Variants in CCBE1 observed in about 807,000 individuals in gnomAD.
The protein encoded by CCBE1 is collagen and calcium binding EGF domains 1, also known as collagen and calcium-binding EGF domain-containing protein 1.
CCBE1 carries 37 observed loss-of-function variants against 50.0 expected under a neutral mutation model. The ratio of observed to expected loss-of-function variants is 0.74; its 90% CI spans 0.57 to 0.97. CCBE1 has a LOEUF of 0.97. Ranked by LOEUF, CCBE1 falls within the 50% of genes least tolerant of loss-of-function variation. The pLI is 0.00. For synonymous variants in CCBE1, 234 were observed against 203.7 expected, an observed-to-expected ratio of 1.15 and a Z score of -1.27; for missense variants, 538 against 523.8, an observed-to-expected ratio of 1.03 and a Z score of -0.26.
At chr18:59,466,916 T>A in intron 4 of CCBE1, 25 bp from the exon 5 acceptor site, 1 of 1,603,232 alleles carries the variant, frequency 6.2e-7, no homozygotes, top group South Asian at 1.1e-5. Context: ...ATGTAGAGAA[T>A]ACTAAGTTTC....
intron 2 of CCBE1, among the ~76,000 whole-genome samples, chr18:59,668,157 T>G (rs2054380296): frequency 6.6e-6 from 1 of 152,118 alleles, no homozygotes; most frequent in African/African-American, 2.4e-5. Context: ...TGGTGGCTCA[T>G]GTCTGTAATC....
chr18:59,664,275 T>A lies in CCBE1; in HGVS notation c.212+32354A>T, dbSNP rs145588320. 5.3e-5 allele frequency among the ~76,000 whole-genome samples: 8 copies of A among 152,198 alleles called. No individual in the cohort carries two copies. In the East Asian group the frequency reaches 1.2e-3, roughly 22 times the overall value. Reference sequence around the variant, plus strand: ...CACCTAATCCCATCACCTTAGAGGTTAGGTTTCAACATGTAAGTTTTGGGG... The same window carrying A: ...CACCTAATCCCATCACCTTAGAGGTAAGGTTTCAACATGTAAGTTTTGGGG... On this transcript the variant is annotated intron_variant, in intron 2 of 10. Coordinates refer to ENST00000439986, the MANE Select transcript of CCBE1 (RefSeq NM_133459.4).
At chr18:59,459,820 T>C (rs1313486554) in intron 5 of CCBE1, among the ~76,000 whole-genome samples, 1 of 152,116 alleles carries the variant, frequency 6.6e-6, no homozygotes, top group African/African-American at 2.4e-5. Context: ...ACACCACCCG[T>C]CTGGGGATGG....
At chr18:59,634,478 G>T (rs1365251883) in intron 2 of CCBE1, among the ~76,000 whole-genome samples, 1 of 152,222 alleles carries the variant, frequency 6.6e-6, no homozygotes, top group Non-Finnish European at 1.5e-5. Context: ...GTGGAGGCCT[G>T]CTCTCAAGCC....
At chr18:59,577,075 A>G (rs2053008539) in intron 2 of CCBE1, among the ~76,000 whole-genome samples, 2 of 152,240 alleles carry the variant, frequency 1.3e-5, no homozygotes, top group Admixed American at 1.3e-4. Context: ...AAGGGTCCTC[A>G]TGTAAACTTG....
At chr18:59,456,432 G>A (rs974144082) in intron 5 of CCBE1, among the ~76,000 whole-genome samples, 4 of 152,202 alleles carry the variant, frequency 2.6e-5, no homozygotes, top group African/African-American at 9.6e-5. Flanking sequence ...ATACAAAGGG[G>A]AAACTTGCGC....
intron 2 of CCBE1, among the ~76,000 whole-genome samples, chr18:59,486,877 C>CTATT (rs1399065481): frequency 2.0e-5 from 3 of 151,740 alleles, no homozygotes; most frequent in African/African-American, 4.9e-5. Flanking sequence ...CCAAACCTAC[C>CTATT]TATTTATTTA....
At chr18:59,631,006 C>T (rs1005454698) in intron 2 of CCBE1, among the ~76,000 whole-genome samples, 1 of 152,176 alleles carries the variant, frequency 6.6e-6, no homozygotes, top group African/African-American at 2.4e-5. Flanking sequence ...GCTTGCCTAG[C>T]ATCCAAGCTT....
intron 2 of CCBE1, among the ~76,000 whole-genome samples, chr18:59,644,133 A>G (rs1406449421): frequency 1.3e-5 from 2 of 152,198 alleles, no homozygotes; most frequent in Non-Finnish European, 2.9e-5. Flanking sequence ...ATCATGAGGC[A>G]TTTATTAGAT....
intron 2 of CCBE1, among the ~76,000 whole-genome samples, chr18:59,515,389 G>A (rs1914325702): frequency 6.6e-6 from 1 of 152,124 alleles, no homozygotes; most frequent in African/African-American, 2.4e-5. Flanking sequence ...CCAGGAGGGG[G>A]GCCACTTCTC....
chr18:59,480,189 C>A lies in CCBE1; in HGVS notation c.262G>T (p.Glu88Ter). 1 of 1,585,442 alleles carries A rather than the reference C, an allele frequency of 6.3e-7. No individual in the cohort carries two copies. Among genetic ancestry groups the A allele is most frequent in the Non-Finnish European group, 8.7e-7 (1 of 1,154,464 alleles). ...ATATCTTTTTTATATTACATACCTT[C>A]TGGGATGCATTGTCCAAGAACAAAT... Reference protein sequence around the residue: ...YKFVLGQCIPEDYDVCAEAPC... With the variant: ...YKFVLGQCIP The change falls in exon 3 of 11, where the codon GAA (glutamate) becomes TAA (stop). Residue 88 changes from glutamate (E) to a stop codon, truncating the protein, a stop_gained. Transcript: ENST00000439986. LOFTEE classifies it high-confidence loss of function.
chr18:59,633,648 C>G (rs1171515068), intron 2 of CCBE1, among the ~76,000 whole-genome samples: 1 of 151,930 alleles, frequency 6.6e-6, no homozygotes, highest in Non-Finnish European at 1.5e-5. Context: ...AGAGAACTGT[C>G]TACATTGTTA....
intron 2 of CCBE1, among the ~76,000 whole-genome samples, chr18:59,642,940 C>A (rs1360868234): frequency 9.3e-6 from 1 of 106,994 alleles, no homozygotes; most frequent in African/African-American, 3.7e-5. Flanking sequence ...CAGAGTGAGA[C>A]TCCACCTCAA....
Position 59,541,772 on chromosome 18 carries a change from T to C in CCBE1, c.213-61534A>G, listed in dbSNP as rs531480876. Among the ~76,000 whole-genome samples the C allele has an allele frequency of 3.4e-3, 520 of 152,170 alleles. 4 individuals carry two copies. Among genetic ancestry groups the C allele is most frequent in the African/African-American group, 0.012 (505 of 41,500 alleles). On this transcript the variant is annotated intron_variant, in intron 2 of 10. Transcript: ENST00000439986. ...ATAACACACTCTGTGTTCAAATTGGTGAGGGGATGTGATGGAGAAGACAGA... is the reference window on the plus strand; with the variant it reads ...ATAACACACTCTGTGTTCAAATTGGCGAGGGGATGTGATGGAGAAGACAGA...
At chr18:59,617,231 G>T (rs1260508837) in intron 2 of CCBE1, among the ~76,000 whole-genome samples, 1 of 152,186 alleles carries the variant, frequency 6.6e-6, no homozygotes, top group African/African-American at 2.4e-5. Flanking sequence ...AATCTCCTTA[G>T]GAGCAAAACC....
At chr18:59,689,112 C>A (rs1407642347) in intron 2 of CCBE1, among the ~76,000 whole-genome samples, 1 of 152,166 alleles carries the variant, frequency 6.6e-6, no homozygotes, top group African/African-American at 2.4e-5. Flanking sequence ...AAGCCATGGG[C>A]CCTAGTTTGC....
At chr18:59,584,874 TACAC>T (rs1251390881) in intron 2 of CCBE1, among the ~76,000 whole-genome samples, 1 of 152,214 alleles carries the variant, frequency 6.6e-6, no homozygotes, top group African/African-American at 2.4e-5. Context: ...AACGGACTAA[TACAC>T]AAACTCAAAG....
At chr18:59,543,607 G>A (rs1203881770) in intron 2 of CCBE1, among the ~76,000 whole-genome samples, 2 of 152,024 alleles carry the variant, frequency 1.3e-5, no homozygotes, top group African/African-American at 4.8e-5. Context: ...AGGCCGAGGC[G>A]GGCAGATCAC....
intron 2 of CCBE1, among the ~76,000 whole-genome samples, chr18:59,693,001 C>T (rs920951143): frequency 6.9e-6 from 1 of 145,344 alleles, no homozygotes; most frequent in African/African-American, 2.6e-5. Flanking sequence ...CACACACACA[C>T]ACAAACAAAA....
Sources: allele counts gnomAD v4.1 joint callset (sites outside exome capture counted in the v4.1 genomes callset), GRCh38; gene constraint gnomAD v4.1.1; transcripts MANE v1.5; gene names NCBI Gene and HGNC (gene_info 2026-07-23, HGNC 2026-07-21).